FOXP2: variants seen among roughly 807,000 people sequenced by gnomAD.
The protein encoded by FOXP2 is forkhead box protein P2.
FOXP2 carries 12 observed loss-of-function variants against 115.8 expected under a neutral mutation model. That is an observed-to-expected ratio of 0.10 (90% confidence interval 0.07 to 0.17). The LOEUF is 0.17. Ranked by LOEUF, FOXP2 falls within the 10% of genes least tolerant of loss-of-function variation. FOXP2 has a pLI of 1.00. For synonymous variants in FOXP2, 328 were observed against 297.7 expected, an observed-to-expected ratio of 1.10 and a Z score of -1.05; for missense variants, 629 against 843.5, an observed-to-expected ratio of 0.75 and a Z score of 3.15.
intron 1 of FOXP2, among the ~76,000 whole-genome samples, chr7:114,249,076 A>G (rs1795364405): frequency 6.6e-6 from 1 of 152,214 alleles, no homozygotes; most frequent in South Asian, 2.1e-4. Context: ...GTTTCATTAT[A>G]TGTATAGAAT....
chr7:114,645,154 A>ATC (rs1403708987), intron 8 of FOXP2: 1 of 131,160 alleles, frequency 7.6e-6, no homozygotes, highest in Non-Finnish European at 1.7e-5. Context: ...ATATATATAT[A>ATC]TATATATATA....
At chr7:114,362,859 G>C (rs1186708463) in intron 2 of FOXP2, among the ~76,000 whole-genome samples, 10 of 152,160 alleles carry the variant, frequency 6.6e-5, no homozygotes, top group African/African-American at 2.4e-4. Context: ...AAAGACGAGG[G>C]AATTAAGAGG....
chr7:114,458,226 G>A (rs2129223129), intron 2 of FOXP2, among the ~76,000 whole-genome samples: 1 of 152,254 alleles, frequency 6.6e-6, no homozygotes, highest in East Asian at 1.9e-4. Context: ...TGTTAATGGT[G>A]CAGTTATTAA....
chr7:114,249,853 G>T (rs1584577545), intron 1 of FOXP2, among the ~76,000 whole-genome samples: 1 of 151,866 alleles, frequency 6.6e-6, no homozygotes, highest in Admixed American at 6.6e-5. Flanking sequence ...CAACGTGCAG[G>T]TTTGTTACAT....
chr7:114,289,099 A>C (rs1315747485), intron 2 of FOXP2, among the ~76,000 whole-genome samples: 1 of 151,826 alleles, frequency 6.6e-6, no homozygotes, highest in East Asian at 1.9e-4. Context: ...TATACAGTTA[A>C]ATATTTCCCA....
At chr7:114,385,420 G>C (rs1490225745) in intron 2 of FOXP2, among the ~76,000 whole-genome samples, 1 of 152,174 alleles carries the variant, frequency 6.6e-6, no homozygotes, top group East Asian at 1.9e-4. Context: ...GCACACATGG[G>C]CAACTGCTGA....
intron 6 of FOXP2, among the ~76,000 whole-genome samples, chr7:114,632,920 ATTC>A (rs1162876912): frequency 6.6e-6 from 1 of 152,176 alleles, no homozygotes; most frequent in Non-Finnish European, 1.5e-5. Context: ...ATTCACAATT[ATTC>A]TTCTTTAGAA....
intron 2 of FOXP2, among the ~76,000 whole-genome samples, chr7:114,326,588 C>G (rs1342414103): frequency 6.6e-6 from 1 of 152,062 alleles, no homozygotes; most frequent in Non-Finnish European, 1.5e-5. Flanking sequence ...AGGGGTAAAC[C>G]AAACATTTAT....
intron 1 of FOXP2, among the ~76,000 whole-genome samples, chr7:114,120,935 C>T (rs527855655): frequency 1.3e-5 from 2 of 151,754 alleles, no homozygotes; most frequent in South Asian, 4.2e-4. Flanking sequence ...ATTTGATGGT[C>T]GGATGACAGG....
intron 2 of FOXP2, among the ~76,000 whole-genome samples, chr7:114,456,334 A>G (rs1795311862): frequency 6.6e-6 from 1 of 152,196 alleles, no homozygotes. Context: ...TTAAAACAGT[A>G]ACCCAGGTAC....
At chr7:114,115,264 C>G (rs114668477) in intron 1 of FOXP2, among the ~76,000 whole-genome samples, 248 of 152,202 alleles carry the variant, frequency 1.6e-3, no homozygotes, top group African/African-American at 5.6e-3. Flanking sequence ...GTGCTTAATG[C>G]ATATTTGTTG....
Position 114,534,370 on chromosome 7 carries a change from C to T in FOXP2, c.169-247C>T, listed in dbSNP as rs1799276890. ...TGATGCAGTTTATGATTTTTATCCT[C>T]TTTAAGCACTTTAAACAAATTAACT... On this transcript the variant is annotated intron_variant, in intron 2 of 16. Transcript: ENST00000350908. Among the ~76,000 whole-genome samples the T allele has an allele frequency of 2.0e-5, 3 of 151,804 alleles. No individual in the cohort carries two copies. The South Asian group carries it at 6.2e-4, about 31-fold the overall frequency.
At chr7:114,092,060 A>G (rs1351464829) in intron 1 of FOXP2, among the ~76,000 whole-genome samples, 1 of 152,048 alleles carries the variant, frequency 6.6e-6, no homozygotes, top group Non-Finnish European at 1.5e-5. Context: ...ATTTTCGTTA[A>G]CAAGAGTGAA....
chr7:114,150,350 C>T (rs1792499394), intron 1 of FOXP2, among the ~76,000 whole-genome samples: 1 of 151,986 alleles, frequency 6.6e-6, no homozygotes, highest in African/African-American at 2.4e-5. Flanking sequence ...GCATTGCCTT[C>T]ATTATCCATT....
chr7:114,672,176 C>T (rs1057195646), intron 16 of FOXP2, among the ~76,000 whole-genome samples: 3 of 152,256 alleles, frequency 2.0e-5, no homozygotes, highest in Admixed American at 6.5e-5. Context: ...CACCATTGAT[C>T]ACACAATGTT....
At chr7:114,683,945 A>C (rs1334067331) in intron 16 of FOXP2, among the ~76,000 whole-genome samples, 1 of 152,198 alleles carries the variant, frequency 6.6e-6, no homozygotes, top group East Asian at 1.9e-4. Context: ...ATTTTTATAC[A>C]GGGCAGTGGC....
At chr7:114,558,505 C>T (rs572906031) in intron 3 of FOXP2, among the ~76,000 whole-genome samples, 26 of 152,210 alleles carry the variant, frequency 1.7e-4, no homozygotes, top group African/African-American at 6.3e-4. Context: ...CTCTTTCTGT[C>T]CCCAACCCTA....
At chr7:114,458,814 C>T (rs1278639841) in intron 2 of FOXP2, among the ~76,000 whole-genome samples, 1 of 152,026 alleles carries the variant, frequency 6.6e-6, no homozygotes, top group East Asian at 1.9e-4. Context: ...TCAAATACAC[C>T]ATCTATTTAA....
intron 2 of FOXP2, among the ~76,000 whole-genome samples, chr7:114,345,353 A>G (rs900325386): frequency 4.6e-5 from 7 of 151,770 alleles, no homozygotes; most frequent in African/African-American, 1.7e-4. Context: ...TTTGGTGAAT[A>G]ATCTTGTAAT....
Sources: gnomAD v4.1 joint callset for allele counts (sites outside exome capture counted in the v4.1 genomes callset) on GRCh38, gnomAD v4.1.1 for gene constraint, MANE v1.5 for transcripts, NCBI Gene and HGNC (gene_info 2026-07-23, HGNC 2026-07-21) for gene names.